The following CTSC variants were observed in gnomAD, a reference collection of about 807,000 sequenced individuals.
CTSC encodes dipeptidyl peptidase 1.
In CTSC, 37 loss-of-function variants were observed where a neutral mutation model predicts 40.9. The observed-to-expected ratio is 0.91, with a 90% CI of 0.70 to 1.19. The LOEUF (loss-of-function observed/expected upper bound fraction) is 1.19, where lower values mean the gene tolerates loss of function less well. Ranked by LOEUF, CTSC falls within the 50% of genes most tolerant of loss-of-function variation. The pLI, the probability that CTSC is intolerant of heterozygous loss-of-function variation, is 0.00. For missense variants in CTSC, 594 were observed against 567.3 expected, an observed-to-expected ratio of 1.05 and a Z score of -0.48; for synonymous variants, 232 against 207.4, an observed-to-expected ratio of 1.12 and a Z score of -1.02.
At chr11:88,319,737 T>C (rs1179171560) in intron 2 of CTSC, among the ~76,000 whole-genome samples, 1 of 152,204 alleles carries the variant, frequency 6.6e-6, no homozygotes, top group Non-Finnish European at 1.5e-5. Flanking sequence ...CATGTATATA[T>C]AATTTTCAAA....
chr11:88,296,038 C>G, intron 6 of CTSC, 95 bp downstream of exon 6: 1 of 1,309,178 alleles, frequency 7.6e-7, no homozygotes, highest in South Asian at 1.2e-5. Flanking sequence ...AGACACTGCG[C>G]TCTCTCTACT....
In CTSC at chr11:88,337,710, G is replaced by C; in HGVS notation, c.-38C>G. 9 of 1,551,914 alleles carry C rather than the reference G, an allele frequency of 5.8e-6. No homozygotes were observed. Among genetic ancestry groups the C allele is most frequent in the South Asian group, 1.2e-5 (1 of 84,184 alleles). On this transcript the variant is annotated 5_prime_UTR_variant, in exon 1 of 7. Transcript: ENST00000227266. ...TGAGAAAAGAGGTGAAGAATTACCA[G>C]GAAGCCGAGCGCTGCGGGCTAGCGG... is the stretch of plus-strand genomic sequence containing the variant.
At chr11:88,309,814 G>A (rs474375) in intron 3 of CTSC, among the ~76,000 whole-genome samples, 19,005 of 118,730 alleles carry the variant, frequency 0.16, 1,447 homozygotes, top group East Asian at 0.45. Context: ...ATGTATGCGC[G>A]CACACACACA....
chr11:88,295,577 C>G (rs747139733), intron 6 of CTSC, among the ~76,000 whole-genome samples: 3 of 151,818 alleles, frequency 2.0e-5, no homozygotes, highest in African/African-American at 7.3e-5. Flanking sequence ...GAAGGGGTTT[C>G]GCCGTGTTGC....
intron 2 of CTSC, among the ~76,000 whole-genome samples, chr11:88,317,879 T>C (rs1326927420): frequency 6.6e-6 from 1 of 152,242 alleles, no homozygotes; most frequent in African/African-American, 2.4e-5. Flanking sequence ...CAAGCCCTAG[T>C]ATTTAAGTTT....
intron 3 of CTSC, among the ~76,000 whole-genome samples, chr11:88,311,833 G>T (rs2134785492): frequency 6.6e-6 from 1 of 152,322 alleles, no homozygotes; most frequent in Admixed American, 6.5e-5. Context: ...GCAAGCCAAG[G>T]AGTGTGGCCT....
intron 2 of CTSC, among the ~76,000 whole-genome samples, chr11:88,318,779 G>A (rs1351061441): frequency 2.0e-5 from 3 of 152,122 alleles, no homozygotes; most frequent in Non-Finnish European, 2.9e-5. Flanking sequence ...AGTGGCACAC[G>A]CCTGTAATCC....
At chr11:88,301,835 CAG>C (rs57004268) in intron 4 of CTSC, among the ~76,000 whole-genome samples, 17,438 of 150,416 alleles carry the variant, frequency 0.12, 1,105 homozygotes, top group East Asian at 0.2. Context: ...CACACACACA[CAG>C]AGAGAGAACC....
chr11:88,312,999 TCTC>T (rs1206982634), intron 2 of CTSC, among the ~76,000 whole-genome samples: 1 of 152,066 alleles, frequency 6.6e-6, no homozygotes, highest in Non-Finnish European at 1.5e-5. Flanking sequence ...GAAACAGAAT[TCTC>T]CTCAGTCTAT....
intron 3 of CTSC, 55 bp downstream of exon 3, chr11:88,312,333 A>C (rs1353200514): frequency 6.4e-7 from 1 of 1,551,352 alleles, no homozygotes; most frequent in African/African-American, 1.4e-5. Flanking sequence ...GTACACACAT[A>C]TTCATATATA....
chr11:88,313,678 G>T (rs1478013307), intron 2 of CTSC, among the ~76,000 whole-genome samples: 1 of 152,134 alleles, frequency 6.6e-6, no homozygotes, highest in Non-Finnish European at 1.5e-5. Context: ...AATTTCTGAG[G>T]AGAGACTTGG....
chr11:88,306,030 A>C (rs376838659), intron 4 of CTSC, among the ~76,000 whole-genome samples: 1 of 152,216 alleles, frequency 6.6e-6, no homozygotes, highest in East Asian at 1.9e-4. Flanking sequence ...AAGACACATT[A>C]GGACTTCACT....
At chr11:88,312,327 A>G (rs1937781016) in intron 3 of CTSC, 61 bp downstream of exon 3, 2 of 1,522,414 alleles carry the variant, frequency 1.3e-6, no homozygotes, top group African/African-American at 2.7e-5. Context: ...AAAAATGTAC[A>G]CACATATTCA....
intron 6 of CTSC, among the ~76,000 whole-genome samples, chr11:88,295,082 A>T (rs904246279): frequency 6.6e-5 from 10 of 152,146 alleles, no homozygotes; most frequent in Non-Finnish European, 1.0e-4. Context: ...CTGTTGTTAT[A>T]ATTATTTAAT....
chr11:88,310,193 T>TTA (rs1937721102), intron 3 of CTSC, among the ~76,000 whole-genome samples: 1 of 151,786 alleles, frequency 6.6e-6, no homozygotes, highest in African/African-American at 2.4e-5. Flanking sequence ...TTTTTTTTTT[T>TTA]TTTTAAACAA....
rs145102248 is a variant in CTSC at position 88,294,871 on chromosome 11, A to T, written c.890-363T>A. Among the ~76,000 whole-genome samples the T allele has an allele frequency of 1.8e-3, 278 of 152,280 alleles. 1 individual carries two copies. Among genetic ancestry groups the T allele is most frequent in the Non-Finnish European group, 3.6e-3 (243 of 68,012 alleles). The stretch of plus-strand genomic sequence containing the variant: ...TAGTAGTACTTTCCTCATAGGGTTA[A>T]ATTAGTTACTTCATGTAAAAATAGC... On this transcript the variant is annotated intron_variant, in intron 6 of 6. Transcript: ENST00000227266.
rs769260655 is a variant in CTSC, at chr11:88,309,265, G to A, written c.539C>T (p.Ala180Val). The change falls in exon 4 of 7, where the codon GCC becomes GTC. Residue 180 changes from alanine (A) to valine (V), a missense_variant. Coordinates refer to ENST00000227266, the MANE Select transcript of CTSC (RefSeq NM_001814.6). ...AGTTGCAGTCCAAGACTTCTGAATG[G>A]CATTGATAGCTTTCACAAAGTTGTG... is the stretch of plus-strand genomic sequence containing the variant. Reference protein sequence around the residue: ...YDHNFVKAINAIQKSWTATTY... With the variant: ...YDHNFVKAINVIQKSWTATTY... 5 of 1,613,412 alleles carry A rather than the reference G, an allele frequency of 3.1e-6. No homozygotes were observed. Among genetic ancestry groups the A allele is most frequent in the South Asian group, 1.1e-5 (1 of 91,066 alleles).
intron 1 of CTSC, among the ~76,000 whole-genome samples, chr11:88,335,502 G>A (rs940131202): frequency 2.0e-5 from 3 of 152,174 alleles, no homozygotes; most frequent in Admixed American, 6.5e-5. Flanking sequence ...GATTGCTTGA[G>A]CCCAGGAGTT....
At position 88,312,253 on chromosome 11, in the gene CTSC, G is replaced by A. The variant is rs1203711425; in HGVS notation, c.485+135C>T. Reference sequence around the variant, plus strand: ...TTGGTCAATTTATTTTTCCAGTAAGGTTTTACATAGCATGCCTAATATTTC... The same window carrying A: ...TTGGTCAATTTATTTTTCCAGTAAGATTTTACATAGCATGCCTAATATTTC... On this transcript the variant is annotated intron_variant, in intron 3 of 6. Transcript: ENST00000227266. 1.1e-5 allele frequency: 9 copies of A among 837,224 alleles called. No individual in the cohort carries two copies. In the East Asian group the frequency reaches 2.4e-4, roughly 22 times the overall value. The allele number at this position is 837,224 out of a possible 1,614,324, so 51.9% of individuals were successfully genotyped here. A position where few individuals can be genotyped will look rare whatever the true frequency, so the allele number is the denominator to read the frequency against.
Sources: gnomAD v4.1 joint callset for allele counts (sites outside exome capture counted in the v4.1 genomes callset) on GRCh38, gnomAD v4.1.1 for gene constraint, MANE v1.5 for transcripts, NCBI Gene and HGNC (gene_info 2026-07-23, HGNC 2026-07-21) for gene names.